MTCL2: variants seen among roughly 807,000 people sequenced by gnomAD.
MTCL2 encodes the protein microtubule crosslinking factor 2, also known as microtubule cross-linking factor 2.
chr20:36,841,874 GGTGTGTGTGTGTGT>G, the MTCL2 span, among the ~76,000 whole-genome samples: 33 of 110,864 alleles, frequency 3.0e-4, no homozygotes, highest in East Asian at 1.5e-3. Context: ...TGGGGGGTGG[GGTGTGTGTGTGTGT>G]GTGTGTGTGT....
At chr20:36,810,090 C>T in the MTCL2 span, 21 of 1,597,690 alleles carry the variant, frequency 1.3e-5, no homozygotes, top group East Asian at 4.3e-4. Flanking sequence ...CAGCCAGCAC[C>T]AGCTGCAGCT....
chr20:36,820,446 C>G, the MTCL2 span, among the ~76,000 whole-genome samples: 1 of 152,126 alleles, frequency 6.6e-6, no homozygotes, highest in African/African-American at 2.4e-5. Context: ...AAGAAGTGAC[C>G]AGCAAAACAA....
the MTCL2 span, among the ~76,000 whole-genome samples, chr20:36,860,637 G>T: frequency 3.9e-5 from 6 of 152,204 alleles, no homozygotes; most frequent in African/African-American, 1.4e-4. Context: ...GTGATCAGAG[G>T]TTTACTACAT....
chr20:36,796,404 T>G, the MTCL2 span, among the ~76,000 whole-genome samples: 1 of 152,164 alleles, frequency 6.6e-6, no homozygotes, highest in African/African-American at 2.4e-5. Context: ...GGGGTTCTGT[T>G]TCCCTGACTC....
At chr20:36,803,133 C>T in the MTCL2 span, 2 of 1,575,576 alleles carry the variant, frequency 1.3e-6, no homozygotes, top group African/African-American at 1.3e-5. Context: ...GACTAAGCAG[C>T]TGGCAGCAGG....
the MTCL2 span, chr20:36,863,068 T>TGCGGACCCCGGC: frequency 7.1e-7 from 1 of 1,404,122 alleles, no homozygotes; most frequent in South Asian, 1.4e-5. This position sits in a 1 kb window ranked among gnomAD's most constrained non-coding sequence, Gnocchi z 6.2. Context: ...CGGACCCCGG[T>TGCGGACCCCGGC]GCGGACCCCG....
At chr20:36,808,465 T>C in the MTCL2 span, 2 of 1,508,882 alleles carry the variant, frequency 1.3e-6, no homozygotes, top group Non-Finnish European at 9.0e-7. Flanking sequence ...TCCCTGTCCC[T>C]CTCTCCCCAG....
the MTCL2 span, chr20:36,793,798 C>T: frequency 2.4e-5 from 37 of 1,541,404 alleles, no homozygotes; most frequent in South Asian, 9.5e-5. The surrounding 1 kb of genome is among the most constrained non-coding windows in gnomAD (Gnocchi z 6.8). Context: ...GCTCGATGCG[C>T]GAATGGACCT....
the MTCL2 span, among the ~76,000 whole-genome samples, chr20:36,788,476 A>C: frequency 1.3e-5 from 2 of 151,880 alleles, no homozygotes. Context: ...GTCTCTACTA[A>C]AAATACAAAA....
the MTCL2 span, among the ~76,000 whole-genome samples, chr20:36,811,700 T>C: frequency 6.6e-6 from 1 of 151,946 alleles, no homozygotes; most frequent in Non-Finnish European, 1.5e-5. Flanking sequence ...GTTATCTCAG[T>C]TTTTTCTCTT....
At chr20:36,828,934 C>G in the MTCL2 span, 1 of 1,090,646 alleles carries the variant, frequency 9.2e-7, no homozygotes, top group Non-Finnish European at 1.3e-6. Flanking sequence ...AACAACCTTG[C>G]CAGGGAGGCA....
the MTCL2 span, chr20:36,794,040 TCTC>T: frequency 1.3e-6 from 2 of 1,551,326 alleles, no homozygotes; most frequent in Non-Finnish European, 1.7e-6. This position sits in a 1 kb window ranked among gnomAD's most constrained non-coding sequence, Gnocchi z 5.4. Flanking sequence ...CAGTTGGTGA[TCTC>T]CTTCATGTCA....
At chr20:36,833,202 C>T in the MTCL2 span, among the ~76,000 whole-genome samples, 1 of 152,218 alleles carries the variant, frequency 6.6e-6, no homozygotes, top group Non-Finnish European at 1.5e-5. Flanking sequence ...AAACACATTA[C>T]ATTAACATCA....
chr20:36,794,049 T>C, the MTCL2 span: 1 of 1,551,384 alleles, frequency 6.4e-7, no homozygotes, highest in Non-Finnish European at 8.7e-7. The surrounding 1 kb of genome is among the most constrained non-coding windows in gnomAD (Gnocchi z 5.4). Flanking sequence ...ATCTCCTTCA[T>C]GTCATCACTC....
At chr20:36,790,450 TA>T in the MTCL2 span, among the ~76,000 whole-genome samples, 12 of 113,208 alleles carry the variant, frequency 1.1e-4, no homozygotes, top group East Asian at 2.5e-4. Context: ...TTTTTTTTTT[TA>T]AAAGATGGAG....
chr20:36,819,614 A>T, the MTCL2 span, among the ~76,000 whole-genome samples: 2 of 151,174 alleles, frequency 1.3e-5, no homozygotes, highest in African/African-American at 4.8e-5. Flanking sequence ...ATTACTCAAA[A>T]AAAAAAAAAA....
the MTCL2 span, among the ~76,000 whole-genome samples, chr20:36,806,838 C>T: frequency 6.6e-6 from 1 of 152,078 alleles, no homozygotes; most frequent in Non-Finnish European, 1.5e-5. Context: ...ATGTTTATGC[C>T]CTAATTTTTT....
the MTCL2 span, among the ~76,000 whole-genome samples, chr20:36,855,679 G>A: frequency 2.0e-5 from 3 of 152,304 alleles, no homozygotes; most frequent in Non-Finnish European, 2.9e-5. Context: ...TGCAAGACAC[G>A]GGGCCTCCTC....
At chr20:36,817,511 C>T in the MTCL2 span, 1 of 1,465,488 alleles carries the variant, frequency 6.8e-7, no homozygotes, top group Non-Finnish European at 9.2e-7. Context: ...AAAGTCAGGA[C>T]TGAAAGCTCA....
Sources: allele counts gnomAD v4.1 joint callset (sites outside exome capture counted in the v4.1 genomes callset), GRCh38; gene constraint gnomAD v4.1.1; non-coding constraint Gnocchi (gnomAD v3.1); transcripts MANE v1.5; gene names NCBI Gene and HGNC (gene_info 2026-07-23, HGNC 2026-07-21).